The following TJP3 variants were observed in gnomAD, a reference collection of about 807,000 sequenced individuals.
TJP3 encodes tight junction protein 3, also known as tight junction protein ZO-3.
In TJP3, 85 loss-of-function variants were observed where a neutral mutation model predicts 104.2. That is an observed-to-expected ratio of 0.82 (90% CI 0.68 to 0.98). The LOEUF (loss-of-function observed/expected upper bound fraction) is 0.98. Among genes scored for constraint, TJP3 ranks in the 50% least tolerant of loss-of-function variants. The probability of loss-of-function intolerance (pLI) is 0.00; values close to 1 mark genes in which losing one functional copy is unlikely to be tolerated. For missense variants in TJP3, 1,367 were observed against 1,322.8 expected, an observed-to-expected ratio of 1.03 and a Z score of -0.52; for synonymous variants, 550 against 550.6, an observed-to-expected ratio of 1.00 and a Z score of 0.02.
chr19:3,720,901 C>CTTTTTTTT (rs370206267), intron 1 of TJP3, among the ~76,000 whole-genome samples: 77 of 114,324 alleles, frequency 6.7e-4, no homozygotes, highest in Non-Finnish European at 1.0e-3. Context: ...CCTTCCTTTT[C>CTTTTTTTT]TTTTTTTTTT....
chr19:3,723,772 G>A (rs1246168183), intron 1 of TJP3, among the ~76,000 whole-genome samples: 1 of 145,998 alleles, frequency 6.8e-6, no homozygotes, highest in African/African-American at 2.5e-5. Context: ...CAGCCTGGGT[G>A]ACAGAGTGAC....
chr19:3,750,169 G>A lies in TJP3; in HGVS notation c.2642G>A (p.Arg881Gln), dbSNP rs766146406. 9.3e-6 allele frequency: 15 copies of A among 1,613,464 alleles called. No individual in the cohort carries two copies. The highest frequency in any genetic ancestry group is 6.7e-5 in the Admixed American group (4 of 59,830). ...VDSRHPQGQW[R>Q]QDSMRTYERE... Reference sequence around the variant, plus strand: ...AGCCGCCACCCCCAGGGACAGTGGCGACAGGACAGCATGCGGTAAGAACCC... The same window carrying A: ...AGCCGCCACCCCCAGGGACAGTGGCAACAGGACAGCATGCGGTAAGAACCC... Residue 881 changes from arginine to glutamine, a missense_variant, in exon 20 of 21, where the codon CGA (arginine) becomes CAA (glutamine). By Grantham distance (43) the Arg-to-Gln change is conservative. Transcript: ENST00000541714.
chr19:3,721,764 G>A, intron 1 of TJP3: 3 of 430,904 alleles, frequency 7.0e-6, no homozygotes, highest in Non-Finnish European at 7.7e-6. Flanking sequence ...CTGGAGGGAG[G>A]AGGACGAGAG....
chr19:3,745,321 T>C (rs976347373), intron 15 of TJP3, among the ~76,000 whole-genome samples: 1 of 151,922 alleles, frequency 6.6e-6, no homozygotes, highest in African/African-American at 2.4e-5. Flanking sequence ...AATTTTTGTA[T>C]TTTTAGTGGA....
At chr19:3,729,378 A>C (rs972469113) in intron 3 of TJP3, among the ~76,000 whole-genome samples, 2 of 152,146 alleles carry the variant, frequency 1.3e-5, no homozygotes, top group Non-Finnish European at 2.9e-5. Flanking sequence ...GTTCAGAGAG[A>C]AAGAGCTAGA....
chr19:3,740,513 C>T, intron 13 of TJP3, 39 bp from the exon 14 acceptor site: 1 of 1,275,428 alleles, frequency 7.8e-7, no homozygotes, highest in South Asian at 2.4e-5. Flanking sequence ...CACCATGCTG[C>T]TGACCCCAGT....
chr19:3,715,459 T>C (rs2036469364), intron 1 of TJP3, among the ~76,000 whole-genome samples: 1 of 152,148 alleles, frequency 6.6e-6, no homozygotes, highest in Non-Finnish European at 1.5e-5. Context: ...CTTAAGGCTA[T>C]GCCCATCTCC....
chr19:3,718,224 T>G (rs554171199), intron 1 of TJP3, among the ~76,000 whole-genome samples: 2,114 of 74,112 alleles, frequency 0.029, 72 homozygotes, highest in African/African-American at 0.11. Context: ...TGTGTGTGTG[T>G]GTGTGTGTGT....
intron 1 of TJP3, among the ~76,000 whole-genome samples, chr19:3,710,283 C>T (rs1361154479): frequency 1.5e-5 from 1 of 65,908 alleles, no homozygotes; most frequent in Non-Finnish European, 3.1e-5. Flanking sequence ...CGGTCCGAAT[C>T]GGAGTCTGGT....
intron 19 of TJP3, among the ~76,000 whole-genome samples, 169 bp from the exon 20 acceptor site, chr19:3,749,969 C>A (rs2036967935): frequency 6.6e-6 from 1 of 152,120 alleles, no homozygotes; most frequent in African/African-American, 2.4e-5. Flanking sequence ...CCTATCCCAG[C>A]CTCAGTTTTC....
Position 3,740,052 on chromosome 19 carries a change from T to C in TJP3, c.1632-500T>C, listed in dbSNP as rs2036792162. On this transcript the variant is annotated intron_variant, in intron 13 of 20. Coordinates refer to ENST00000541714, the MANE Select transcript of TJP3 (RefSeq NM_001267560.2). The stretch of plus-strand genomic sequence containing the variant: ...ATTGAGACTATCCTGGCCAACATGG[T>C]GAAACCCCATCCCTACTAAAAATAC... Among the ~76,000 whole-genome samples, 4 of 152,042 alleles carry C rather than the reference T, an allele frequency of 2.6e-5. No homozygotes were observed. In the South Asian group the frequency reaches 8.3e-4, roughly 32 times the overall value.
chr19:3,737,760 G>A (rs2036755369), intron 11 of TJP3, among the ~76,000 whole-genome samples: 1 of 152,268 alleles, frequency 6.6e-6, no homozygotes, highest in South Asian at 2.1e-4. Context: ...ATTGCCTGAG[G>A]GTCATGGTAT....
At chr19:3,738,091 C>CATTGGCTGTGTCT (rs2036761466) in intron 11 of TJP3, among the ~76,000 whole-genome samples, 1 of 152,036 alleles carries the variant, frequency 6.6e-6, no homozygotes, top group Admixed American at 6.6e-5. Context: ...TGGCTGTGTC[C>CATTGGCTGTGTCT]ATATATTGTT....
chr19:3,734,954 TA>T (rs939012295), intron 8 of TJP3, among the ~76,000 whole-genome samples: 21 of 150,358 alleles, frequency 1.4e-4, no homozygotes, highest in Middle Eastern at 6.9e-3. Flanking sequence ...AACTCTGTCT[TA>T]AAAAAAAAAA....
rs140675885 is a variant in TJP3 at position 3,735,869 on chromosome 19, A to G, written c.1061A>G (p.Glu354Gly). 412 of 1,613,982 alleles carry G rather than the reference A, an allele frequency of 2.6e-4. No homozygotes were observed. The highest frequency in any genetic ancestry group is 3.4e-4 in the Non-Finnish European group (407 of 1,180,024). ...AAAGAGACTGGCTTTTCCCTTTCAG[A>G]GTTGCCCAGGGAAAGCAGCTATGAC... Reference protein sequence around the residue: ...TISEPDEQRSELPRESSYDIY... With the variant: ...TISEPDEQRSGLPRESSYDIY... Residue 354 changes from glutamate (E) to glycine (G), a missense_variant and splice_region_variant, in exon 10 of 21, where the codon GAG becomes GGG. By Grantham distance (98) the Glu-to-Gly change is moderately conservative (BLOSUM62 -2). Transcript: ENST00000541714.
chr19:3,722,515 A>C (rs1371509360), intron 1 of TJP3, among the ~76,000 whole-genome samples: 1 of 141,304 alleles, frequency 7.1e-6, no homozygotes, highest in African/African-American at 2.6e-5. Context: ...AAAGCTATTA[A>C]CAGGCATTAC....
At chr19:3,722,100 C>T (rs899232456) in intron 1 of TJP3, among the ~76,000 whole-genome samples, 4 of 152,028 alleles carry the variant, frequency 2.6e-5, no homozygotes, top group Non-Finnish European at 2.9e-5. Context: ...GCGTCCGCGC[C>T]CCCCTCCCTG....
rs2036555850 is a variant in TJP3 at position 3,722,860 on chromosome 19, G to GT, written c.-9-5564_-9-5563insT. Among the ~76,000 whole-genome samples the GT allele has an allele frequency of 1.2e-4, 16 of 129,684 alleles. 1 individual carries two copies. The South Asian group carries it at 2.8e-3, about 22-fold the overall frequency. 85.1% of individuals were successfully genotyped at this position (129,684 alleles called of 152,430 possible). ...TTGTTCCTGGAGATGGGGTGGCGGGGGGGGGGGGCACAGGGGACGGCGGCC... is the reference window on the plus strand; with the variant it reads ...TTGTTCCTGGAGATGGGGTGGCGGGGTGGGGGGGGCACAGGGGACGGCGGCC... On this transcript the variant is annotated intron_variant, in intron 1 of 20. Coordinates refer to ENST00000541714, the MANE Select transcript of TJP3 (RefSeq NM_001267560.2).
At chr19:3,718,212 AGT>A (rs71339057) in intron 1 of TJP3, among the ~76,000 whole-genome samples, 3,172 of 48,126 alleles carry the variant, frequency 0.066, 126 homozygotes, top group African/African-American at 0.16. Flanking sequence ...AAAAAAAAAA[AGT>A]GTGTGTGTGT....
Sources: allele counts gnomAD v4.1 joint callset (sites outside exome capture counted in the v4.1 genomes callset), GRCh38; gene constraint gnomAD v4.1.1; transcripts MANE v1.5; gene names NCBI Gene and HGNC (gene_info 2026-07-23, HGNC 2026-07-21).